The following MCF2 variants were observed in gnomAD, a reference collection of about 807,000 sequenced individuals.
MCF2 encodes the protein MCF.2 cell line derived transforming sequence, also known as proto-oncogene DBL.
MCF2 carries 44 observed loss-of-function variants against 82.5 expected under a neutral mutation model. The ratio of observed to expected loss-of-function variants is 0.53; its 90% CI spans 0.42 to 0.69. The LOEUF (loss-of-function observed/expected upper bound fraction) is 0.69. MCF2 is among the 30% of genes least tolerant of loss of function. The probability of loss-of-function intolerance (pLI) is 0.00; values close to 1 mark genes in which losing one functional copy is unlikely to be tolerated. For missense variants in MCF2, 623 were observed against 663.1 expected (o/e 0.94, Z 0.66); for synonymous variants, 217 against 224.9 (o/e 0.96, Z 0.32).
intron 1 of MCF2, chrX:139,692,066 G>A (rs1430710744): frequency 1.7e-6 from 2 of 1,164,240 alleles, no homozygotes; most frequent in Non-Finnish European, 2.3e-6. Flanking sequence ...TCTGGGGCAG[G>A]CCTGGGATCC....
At chrX:139,612,620 GA>G (rs1931585786) in intron 10 of MCF2, among the ~76,000 whole-genome samples, 1 of 111,079 alleles carries the variant, frequency 9.0e-6, no homozygotes, top group Non-Finnish European at 1.9e-5. Flanking sequence ...CTTATGTTTT[GA>G]GTTGACCAAA....
intron 19 of MCF2, among the ~76,000 whole-genome samples, chrX:139,594,625 A>C (rs1929873682): frequency 9.0e-6 from 1 of 111,660 alleles, no homozygotes; most frequent in Non-Finnish European, 1.9e-5. Context: ...TAAAAATCCT[A>C]GAAGAAAACC....
intron 1 of MCF2, among the ~76,000 whole-genome samples, chrX:139,671,526 A>C (rs1934692738): frequency 9.0e-6 from 1 of 111,600 alleles, no homozygotes; most frequent in African/African-American, 3.3e-5. Context: ...TCAGCTTTCT[A>C]CATATGGCTA....
At chrX:139,698,587 C>T (rs1603311099) in intron 1 of MCF2, among the ~76,000 whole-genome samples, 1 of 111,914 alleles carries the variant, frequency 8.9e-6, no homozygotes, top group East Asian at 2.8e-4. Flanking sequence ...ACAGCTTGAC[C>T]TAACAAAACT....
chrX:139,653,708 G>A (rs1934105023), intron 1 of MCF2, among the ~76,000 whole-genome samples: 1 of 110,998 alleles, frequency 9.0e-6, no homozygotes, highest in South Asian at 3.9e-4. Context: ...TCTTATCAAG[G>A]TAAAATATGC....
At chrX:139,658,677 T>G (rs1044635674) in intron 1 of MCF2, among the ~76,000 whole-genome samples, 3 of 95,141 alleles carry the variant, frequency 3.2e-5, no homozygotes, top group Admixed American at 1.1e-4. Context: ...GTTTTTTTTT[T>G]TTTTTTTTTT....
At chrX:139,673,194 A>T (rs1289500028) in intron 1 of MCF2, among the ~76,000 whole-genome samples, 1 of 110,438 alleles carries the variant, frequency 9.1e-6, no homozygotes, top group African/African-American at 3.3e-5. Context: ...CGTCTATTTG[A>T]TTCTTCTCTC....
At chrX:139,597,721 C>G (rs1271616816) in intron 17 of MCF2, 136 bp from the exon 22 acceptor site, 3 of 409,481 alleles carry the variant, frequency 7.3e-6, no homozygotes, top group Non-Finnish European at 1.2e-5. Context: ...TTTACATGCC[C>G]TTTGCTGCAG....
intron 1 of MCF2, among the ~76,000 whole-genome samples, chrX:139,703,733 A>AAAAC (rs758121994): frequency 9.0e-6 from 1 of 111,663 alleles, no homozygotes; most frequent in African/African-American, 3.3e-5. Context: ...AGACTCTGTC[A>AAAAC]AAACAAACAA....
chrX:139,707,275 A>G (rs1355632156), intron 1 of MCF2, among the ~76,000 whole-genome samples: 1 of 110,895 alleles, frequency 9.0e-6, no homozygotes, highest in Non-Finnish European at 1.9e-5. Flanking sequence ...GAAGACCTCT[A>G]GGTTCTTCAT....
At position 139,601,509 on chromosome X, in the gene MCF2, T is replaced by G. The variant is rs1930549877; in HGVS notation, c.1836+897A>C. 2.7e-5 allele frequency among the ~76,000 whole-genome samples: 3 copies of G among 111,461 alleles called. 1 individual carries two copies. The Middle Eastern group carries it at 0.014, about 516-fold the overall frequency. ...ATTCTATACACAGCCAAACTAGCAA[T>G]GAAGTCTTAGGGTAGAATAAAGATA... On this transcript the variant is annotated intron_variant, in intron 16 of 24. Transcript: ENST00000370576.
At chrX:139,628,133 C>A in intron 4 of MCF2, among the ~76,000 whole-genome samples, 4 of 111,292 alleles carry the variant, frequency 3.6e-5, no homozygotes, top group African/African-American at 1.3e-4. Context: ...GGGTTTATAC[C>A]CAAAGGAAAA....
chrX:139,642,861 A>G, exon 1 of MCF2: 2 of 901,896 alleles, frequency 2.2e-6, no homozygotes, highest in Non-Finnish European at 2.7e-6. Context: ...AGGAGGAGGA[A>G]AAAAAAACCA....
chrX:139,655,630 T>C (rs916641031), intron 1 of MCF2, among the ~76,000 whole-genome samples: 6 of 111,249 alleles, frequency 5.4e-5, no homozygotes, highest in African/African-American at 2.0e-4. Context: ...ATTAACTCGT[T>C]ATTTACATTA....
intron 1 of MCF2, among the ~76,000 whole-genome samples, chrX:139,661,217 A>T (rs1603302738): frequency 9.0e-6 from 1 of 111,666 alleles, no homozygotes; most frequent in Admixed American, 9.6e-5. Context: ...CAGGGACTTT[A>T]TAGGGACTGA....
At chrX:139,691,376 A>T (rs912196095) in intron 1 of MCF2, among the ~76,000 whole-genome samples, 1 of 111,399 alleles carries the variant, frequency 9.0e-6, no homozygotes. Context: ...ACAAAAAAAA[A>T]TTGCTTTTTC....
chrX:139,690,343 T>TG (rs939125758), intron 1 of MCF2, among the ~76,000 whole-genome samples: 1 of 103,597 alleles, frequency 9.7e-6, no homozygotes, highest in African/African-American at 3.6e-5. Flanking sequence ...AAGGAGTTTT[T>TG]TTTTTTTTTT....
chrX:139,584,628 C>T (rs1019584957), intron 24 of MCF2, among the ~76,000 whole-genome samples: 2 of 111,885 alleles, frequency 1.8e-5, no homozygotes, highest in African/African-American at 6.5e-5. Context: ...TGAGAACACA[C>T]TAAAATATAT....
chrX:139,665,009 T>G lies in MCF2; in HGVS notation c.-44-13221A>C, dbSNP rs781011938. ...TGGAATGGGGGCCTCATGACTCTGC[T>G]TGGTGGTTTATCCTTCTGTGGCTGA... On this transcript the variant is annotated intron_variant, in intron 1 of 27. Transcript: ENST00000414978. Among the ~76,000 whole-genome samples the G allele has an allele frequency of 2.7e-5, 3 of 111,323 alleles. No homozygotes were observed. In the South Asian group the frequency reaches 1.2e-3, roughly 43 times the overall value.
Sources: gnomAD v4.1 joint callset for allele counts (sites outside exome capture counted in the v4.1 genomes callset) on GRCh38, gnomAD v4.1.1 for gene constraint, MANE v1.5 for transcripts, NCBI Gene and HGNC (gene_info 2026-07-23, HGNC 2026-07-21) for gene names.